CSMD3: variants seen among roughly 807,000 people sequenced by gnomAD.
CSMD3 encodes CUB and Sushi multiple domains 3.
In CSMD3, 177 loss-of-function variants were observed where a neutral mutation model predicts 435.2. The ratio of observed to expected loss-of-function variants is 0.41; its 90% CI spans 0.36 to 0.46. The LOEUF is 0.46. Ranked by LOEUF, CSMD3 falls within the 20% of genes least tolerant of loss-of-function variation. CSMD3 has a pLI of 0.34. For missense variants in CSMD3, 4,265 were observed against 4,504.6 expected (o/e 0.95, Z 1.52); for synonymous variants, 1,656 against 1,520.5 (o/e 1.09, Z -2.07).
intron 4 of CSMD3, among the ~76,000 whole-genome samples, chr8:113,144,461 G>A (rs1318204589): frequency 6.6e-6 from 1 of 151,546 alleles, no homozygotes; most frequent in Non-Finnish European, 1.5e-5. Flanking sequence ...AAGATGCACA[G>A]ATTTATAACT....
chr8:112,272,055 G>A (rs1817577262), intron 59 of CSMD3, among the ~76,000 whole-genome samples: 1 of 152,148 alleles, frequency 6.6e-6, no homozygotes, highest in African/African-American at 2.4e-5. Flanking sequence ...CACCCCTTTT[G>A]TCATGTGAGG....
intron 27 of CSMD3, among the ~76,000 whole-genome samples, chr8:112,536,017 T>C (rs1198914232): frequency 5.9e-5 from 9 of 151,938 alleles, no homozygotes; most frequent in Non-Finnish European, 1.0e-4. Flanking sequence ...ATACAAAAAT[T>C]AATTCAAGAT....
At chr8:112,434,640 C>G (rs934633600) in intron 32 of CSMD3, among the ~76,000 whole-genome samples, 1 of 152,072 alleles carries the variant, frequency 6.6e-6, no homozygotes, top group Non-Finnish European at 1.5e-5. Flanking sequence ...ACTTGGCAGA[C>G]GTAAATTTAC....
chr8:112,392,833 A>G (rs2129769821), intron 35 of CSMD3, among the ~76,000 whole-genome samples: 1 of 149,582 alleles, frequency 6.7e-6, no homozygotes, highest in Admixed American at 6.6e-5. Context: ...CATTGTCTGA[A>G]TTCACAGCTC....
At chr8:112,793,511 A>G (rs1454141449) in intron 13 of CSMD3, among the ~76,000 whole-genome samples, 1 of 152,156 alleles carries the variant, frequency 6.6e-6, no homozygotes, top group African/African-American at 2.4e-5. Flanking sequence ...TTGTTAAAAT[A>G]AAAACTTGCA....
chr8:112,757,047 G>T (rs1055641652), intron 13 of CSMD3, among the ~76,000 whole-genome samples: 2 of 152,070 alleles, frequency 1.3e-5, no homozygotes, highest in Non-Finnish European at 2.9e-5. Flanking sequence ...GGGATTACTG[G>T]CATGAGCTAC....
rs560941801 is a variant in CSMD3, at chr8:112,316,175, G to A, written c.7361-1558C>T. The stretch of plus-strand genomic sequence containing the variant: ...CTTTTTGAAAACTGACTATATAATA[G>A]AGTTTAAAATATAGTATAGCTAAAG... On this transcript the variant is annotated intron_variant, in intron 47 of 70. Coordinates refer to ENST00000297405, the MANE Select transcript of CSMD3 (RefSeq NM_198123.2). 4.0e-5 allele frequency among the ~76,000 whole-genome samples: 6 copies of A among 151,782 alleles called. No individual in the cohort carries two copies. In the East Asian group the frequency reaches 1.2e-3, roughly 29 times the overall value.
chr8:112,690,458 C>T (rs906376617), intron 13 of CSMD3, among the ~76,000 whole-genome samples: 3 of 151,658 alleles, frequency 2.0e-5, no homozygotes, highest in Admixed American at 2.0e-4. Flanking sequence ...ACGGTAAATC[C>T]CTGAATCATG....
At chr8:112,914,461 T>C (rs1256699632) in intron 10 of CSMD3, among the ~76,000 whole-genome samples, 1 of 151,694 alleles carries the variant, frequency 6.6e-6, no homozygotes, top group Non-Finnish European at 1.5e-5. Context: ...GTTTGGGATG[T>C]TGACACTATT....
At chr8:113,315,482 A>G (rs545294538) in intron 1 of CSMD3, among the ~76,000 whole-genome samples, 34 of 151,848 alleles carry the variant, frequency 2.2e-4, no homozygotes, top group African/African-American at 8.2e-4. Flanking sequence ...GAACTTCTGT[A>G]TTTGTTCCAT....
intron 18 of CSMD3, among the ~76,000 whole-genome samples, chr8:112,651,609 C>G (rs930790780): frequency 2.0e-5 from 3 of 151,008 alleles, no homozygotes; most frequent in African/African-American, 7.3e-5. Context: ...GTGATCTCGG[C>G]TCACTGTGAC....
chr8:112,556,987 A>C (rs1162965629), intron 24 of CSMD3, 33 bp from the exon 25 acceptor site: 3 of 1,311,492 alleles, frequency 2.3e-6, no homozygotes, highest in Non-Finnish European at 3.3e-6. Context: ...TTAAAGGCAA[A>C]ATTTAGGAGG....
chr8:112,722,419 T>C (rs1199555855), intron 13 of CSMD3, among the ~76,000 whole-genome samples: 2 of 152,150 alleles, frequency 1.3e-5, no homozygotes, highest in East Asian at 3.9e-4. Flanking sequence ...TGTGGCTACT[T>C]AGGGGAAGGT....
intron 16 of CSMD3, among the ~76,000 whole-genome samples, chr8:112,668,546 A>G (rs931552627): frequency 1.3e-5 from 2 of 152,126 alleles, no homozygotes; most frequent in East Asian, 1.9e-4. Context: ...TGAGGGAGGC[A>G]GAGTTAGAAG....
chr8:113,266,429 T>C (rs182946015), intron 3 of CSMD3, among the ~76,000 whole-genome samples: 43 of 151,510 alleles, frequency 2.8e-4, no homozygotes, highest in African/African-American at 1.0e-3. Context: ...AATTATATTT[T>C]CTCATATCCA....
chr8:112,927,284 C>CTCTA (rs1271827675), intron 9 of CSMD3, among the ~76,000 whole-genome samples: 3 of 149,574 alleles, frequency 2.0e-5, no homozygotes, highest in Admixed American at 2.0e-4. Flanking sequence ...ACCACTTAAG[C>CTCTA]TCTACACTGT....
intron 27 of CSMD3, among the ~76,000 whole-genome samples, chr8:112,542,213 A>AC (rs1235104020): frequency 6.6e-6 from 1 of 151,646 alleles, no homozygotes; most frequent in Non-Finnish European, 1.5e-5. Context: ...TCTGGAAAAA[A>AC]AAAAAAACTG....
At chr8:112,724,325 T>C (rs888481719) in intron 13 of CSMD3, among the ~76,000 whole-genome samples, 1 of 152,058 alleles carries the variant, frequency 6.6e-6, no homozygotes, top group Non-Finnish European at 1.5e-5. Context: ...AGTTATTGCC[T>C]TAATCCTGGT....
chr8:113,012,244 T>G (rs1257100781), intron 6 of CSMD3, among the ~76,000 whole-genome samples: 1 of 151,726 alleles, frequency 6.6e-6, no homozygotes, highest in Non-Finnish European at 1.5e-5. Context: ...AATATATTAT[T>G]TATAATTTTC....
Sources: gnomAD v4.1 joint callset for allele counts (sites outside exome capture counted in the v4.1 genomes callset) on GRCh38, gnomAD v4.1.1 for gene constraint, MANE v1.5 for transcripts, NCBI Gene and HGNC (gene_info 2026-07-23, HGNC 2026-07-21) for gene names.